Variants in VRK2 observed in about 807,000 individuals in gnomAD.
The protein encoded by VRK2 is VRK serine/threonine kinase 2.
VRK2 carries 60 observed loss-of-function variants against 57.6 expected under a neutral mutation model. That is an observed-to-expected ratio of 1.04 (90% CI 0.85 to 1.29). The LOEUF (loss-of-function observed/expected upper bound fraction) is 1.29, where lower values mean the gene tolerates loss of function less well. Among genes scored for constraint, VRK2 ranks in the 50% most tolerant of loss-of-function variants. The probability of loss-of-function intolerance (pLI) is 0.00; values close to 1 mark genes in which losing one functional copy is unlikely to be tolerated. For missense variants in VRK2, 705 were observed against 588.1 expected (o/e 1.20, Z -2.06); for synonymous variants, 231 against 199.2 (o/e 1.16, Z -1.35).
At chr2:57,921,390 T>C (rs1308888622) in intron 1 of VRK2, among the ~76,000 whole-genome samples, 22 of 151,982 alleles carry the variant, frequency 1.4e-4, no homozygotes, top group Non-Finnish European at 1.5e-5. Context: ...TTGCAAAATG[T>C]ATACTATATC....
intron 1 of VRK2, among the ~76,000 whole-genome samples, chr2:57,949,631 G>C (rs540560052): frequency 6.6e-6 from 1 of 152,136 alleles, no homozygotes; most frequent in East Asian, 1.9e-4. Context: ...CAATAATATT[G>C]AAATTATGCC....
rs1317279628 is a variant in VRK2 at position 57,922,120 on chromosome 2, G to C, written c.-439+14281G>C. Among the ~76,000 whole-genome samples, 3 of 151,992 alleles carry C rather than the reference G, an allele frequency of 2.0e-5. No individual in the cohort carries two copies. In the East Asian group the frequency reaches 5.8e-4, roughly 29 times the overall value. The stretch of plus-strand genomic sequence containing the variant: ...TTTCCTAAGGCTACTTGTGTTTGAG[G>C]GGATTTAGATAAGTTGAGTGGATTT... On this transcript the variant is annotated intron_variant, in intron 1 of 15. Transcript: ENST00000417641.
chr2:58,069,558 G>A (rs908355542), intron 2 of VRK2, among the ~76,000 whole-genome samples: 3 of 152,080 alleles, frequency 2.0e-5, no homozygotes, highest in African/African-American at 7.2e-5. Context: ...GCAAGAGGGT[G>A]TAGAGTATAA....
chr2:57,922,943 G>C (rs1049970007), intron 1 of VRK2, among the ~76,000 whole-genome samples: 15 of 151,844 alleles, frequency 9.9e-5, no homozygotes, highest in African/African-American at 3.4e-4. Context: ...TTAATTTTTA[G>C]TTTTCACAAA....
At chr2:58,011,319 T>C (rs1276904209) in intron 1 of VRK2, among the ~76,000 whole-genome samples, 1 of 152,174 alleles carries the variant, frequency 6.6e-6, no homozygotes, top group Non-Finnish European at 1.5e-5. Flanking sequence ...CCAGTGAAAT[T>C]GGTTTTAGTT....
chr2:58,130,098 C>G (rs527638466), intron 8 of VRK2, among the ~76,000 whole-genome samples: 25 of 152,114 alleles, frequency 1.6e-4, no homozygotes, highest in Non-Finnish European at 3.1e-4. Context: ...AGCTTCATAT[C>G]AATTAATCCC....
chr2:58,069,227 G>T (rs562895535), intron 2 of VRK2, among the ~76,000 whole-genome samples: 10 of 152,266 alleles, frequency 6.6e-5, no homozygotes, highest in Admixed American at 2.6e-4. Context: ...TGTGTTTGGG[G>T]TACAGTGTTC....
chr2:58,088,752 T>C (rs1671977677), intron 6 of VRK2, among the ~76,000 whole-genome samples: 1 of 152,206 alleles, frequency 6.6e-6, no homozygotes. Context: ...CTTTCTTTTG[T>C]CAGTTATAAC....
At chr2:58,136,972 AT>A (rs1186133026) in intron 10 of VRK2, among the ~76,000 whole-genome samples, 1 of 134,864 alleles carries the variant, frequency 7.4e-6, no homozygotes, top group Non-Finnish European at 1.5e-5. Context: ...TATATCATAT[AT>A]TATATATCAT....
rs188342662 is a variant in VRK2 at position 58,060,667 on chromosome 2, G to A, written c.136+11700G>A. Among the ~76,000 whole-genome samples, 47 of 151,954 alleles carry A rather than the reference G, an allele frequency of 3.1e-4. 1 individual carries two copies. In the East Asian group the frequency reaches 7.7e-3, roughly 25 times the overall value. ...CAAAATAAAGACCATAATGAAAAAC[G>A]TGAGAAAGATTTCCCTTATTTACAG... On this transcript the variant is annotated intron_variant, in intron 2 of 12. Transcript: ENST00000340157.
At chr2:58,155,123 T>C (rs1346926660) in intron 12 of VRK2, among the ~76,000 whole-genome samples, 1 of 152,204 alleles carries the variant, frequency 6.6e-6, no homozygotes, top group Non-Finnish European at 1.5e-5. Context: ...AAGTAGTCTA[T>C]AAATATCAGC....
At chr2:58,155,752 C>T (rs1424065252) in intron 12 of VRK2, among the ~76,000 whole-genome samples, 3 of 147,488 alleles carry the variant, frequency 2.0e-5, no homozygotes, top group Non-Finnish European at 4.5e-5. Context: ...CCCACCGCCC[C>T]CACCATCCCC....
intron 1 of VRK2, among the ~76,000 whole-genome samples, chr2:57,966,026 T>A (rs1671906101): frequency 6.6e-6 from 1 of 152,176 alleles, no homozygotes; most frequent in South Asian, 2.1e-4. Context: ...AGCTTTAACA[T>A]CTTAAACAGG....
chr2:58,013,581 A>G (rs1454978253), intron 1 of VRK2, among the ~76,000 whole-genome samples: 2 of 152,244 alleles, frequency 1.3e-5, no homozygotes, highest in Non-Finnish European at 2.9e-5. Context: ...TGCCTTAAAA[A>G]AGATACAGGG....
intron 2 of VRK2, among the ~76,000 whole-genome samples, chr2:58,056,213 C>G (rs1309386699): frequency 6.6e-6 from 1 of 152,084 alleles, no homozygotes; most frequent in Non-Finnish European, 1.5e-5. Context: ...TCCTAATCGC[C>G]TTATAGCCGT....
intron 2 of VRK2, among the ~76,000 whole-genome samples, chr2:58,031,336 G>C (rs928446649): frequency 1.3e-5 from 2 of 151,982 alleles, no homozygotes; most frequent in African/African-American, 4.8e-5. Flanking sequence ...CAGAAGAAGA[G>C]AGGCTTTGTT....
intron 1 of VRK2, among the ~76,000 whole-genome samples, chr2:57,952,750 G>GAA (rs111349440): frequency 6.6e-4 from 80 of 120,688 alleles, no homozygotes; most frequent in African/African-American, 2.0e-3. Context: ...AACTGAAAAT[G>GAA]AAAAAAAAAA....
intron 3 of VRK2, chr2:58,041,037 G>A (rs1430215716): frequency 7.1e-6 from 7 of 985,014 alleles, no homozygotes; most frequent in South Asian, 4.7e-5. Flanking sequence ...TCCTTATCCA[G>A]CTCATGTTTT....
intron 1 of VRK2, among the ~76,000 whole-genome samples, chr2:57,936,455 A>G (rs1297252097): frequency 1.3e-5 from 2 of 151,920 alleles, no homozygotes; most frequent in African/African-American, 4.8e-5. Context: ...AGAATTCCAC[A>G]TTAGTGATGC....
Sources: gnomAD v4.1 joint callset for allele counts (sites outside exome capture counted in the v4.1 genomes callset) on GRCh38, gnomAD v4.1.1 for gene constraint, MANE v1.5 for transcripts, NCBI Gene and HGNC (gene_info 2026-07-23, HGNC 2026-07-21) for gene names.